The following THSD7B variants were observed in gnomAD, a reference collection of about 807,000 sequenced individuals.
THSD7B encodes thrombospondin type 1 domain containing 7B, also known as thrombospondin type-1 domain-containing protein 7B.
A neutral mutation model predicts 213.6 loss-of-function variants in THSD7B; 138 were observed. The ratio of observed to expected loss-of-function variants is 0.65; its 90% CI spans 0.56 to 0.74. The LOEUF is 0.74. Ranked by LOEUF, THSD7B falls within the 30% of genes least tolerant of loss-of-function variation. The pLI, the probability that THSD7B is intolerant of heterozygous loss-of-function variation, is 0.00. For synonymous variants in THSD7B, 742 were observed against 687.0 expected (o/e 1.08, Z -1.25); for missense variants, 1,931 against 1,991.5 (o/e 0.97, Z 0.58).
At chr2:137,095,238 A>G in intron 4 of THSD7B, 117 bp downstream of exon 4, 1 of 1,390,974 alleles carries the variant, frequency 7.2e-7, no homozygotes, top group Non-Finnish European at 9.7e-7. Flanking sequence ...CTCAGTATAC[A>G]AGTTCCATAC....
chr2:136,970,221 T>G (rs1285228098), intron 2 of THSD7B, among the ~76,000 whole-genome samples: 1 of 152,036 alleles, frequency 6.6e-6, no homozygotes, highest in African/African-American at 2.4e-5. Context: ...CACAGCACTT[T>G]GAGAGGCTGA....
At chr2:136,945,298 G>C (rs983878341) in intron 2 of THSD7B, among the ~76,000 whole-genome samples, 1 of 152,024 alleles carries the variant, frequency 6.6e-6, no homozygotes, top group Non-Finnish European at 1.5e-5. Flanking sequence ...TGTGTCACTT[G>C]GTTCTTGCGC....
chr2:137,075,622 G>C (rs922066015), intron 3 of THSD7B, among the ~76,000 whole-genome samples: 3 of 152,280 alleles, frequency 2.0e-5, no homozygotes, highest in South Asian at 2.1e-4. Context: ...TGTTCTGTTG[G>C]TGGTGAGGAG....
chr2:136,960,053 A>G (rs1285103743), intron 2 of THSD7B, among the ~76,000 whole-genome samples: 1 of 152,202 alleles, frequency 6.6e-6, no homozygotes, highest in Admixed American at 6.5e-5. Context: ...CAAATGAACC[A>G]TTTGTGTATT....
Position 137,425,416 on chromosome 2 carries a change from C to T in THSD7B, c.2959+13544C>T, listed in dbSNP as rs892285572. Among the ~76,000 whole-genome samples the T allele has an allele frequency of 3.3e-5, 5 of 152,020 alleles. No homozygotes were observed. The East Asian group carries it at 7.7e-4, about 24-fold the overall frequency. ...AATTTTAGTAGAGGTGGGGTTTCAC[C>T]ATGTTGGCCAGGCTGGTCTCAAACT... On this transcript the variant is annotated intron_variant, in intron 14 of 27. Transcript: ENST00000409968.
chr2:137,604,204 A>G (rs950951132), intron 17 of THSD7B, among the ~76,000 whole-genome samples: 3 of 152,198 alleles, frequency 2.0e-5, no homozygotes, highest in Non-Finnish European at 4.4e-5. Flanking sequence ...GTAAGGAAAG[A>G]GTTTTCTTCA....
chr2:137,261,487 T>G (rs981566583), intron 10 of THSD7B, among the ~76,000 whole-genome samples: 3 of 152,174 alleles, frequency 2.0e-5, no homozygotes, highest in African/African-American at 7.2e-5. Flanking sequence ...ATTATTGCCC[T>G]TTGATGTACT....
In THSD7B at chr2:137,001,936, G is replaced by T. The variant is rs115664481; in HGVS notation, c.140-54484G>T. Among the ~76,000 whole-genome samples, 760 of 152,114 alleles carry T rather than the reference G, an allele frequency of 5.0e-3. 9 individuals are homozygous for T. Among genetic ancestry groups the T allele is most frequent in the African/African-American group, 0.017 (720 of 41,484 alleles). ...AATACTTTTGCTTACTCTTCAGAAA[G>T]TGTATTCATCATTTTATTCCTGTGT... is the stretch of plus-strand genomic sequence containing the variant. On this transcript the variant is annotated intron_variant, in intron 2 of 27. Coordinates refer to ENST00000409968, the MANE Select transcript of THSD7B (RefSeq NM_001316349.2).
intron 1 of THSD7B, among the ~76,000 whole-genome samples, chr2:136,825,292 G>A (rs556369049): frequency 6.6e-6 from 1 of 152,220 alleles, no homozygotes; most frequent in East Asian, 1.9e-4. Context: ...TTATCTTATA[G>A]GTCTGGAGAT....
At chr2:137,360,185 A>C (rs1020514312) in intron 12 of THSD7B, among the ~76,000 whole-genome samples, 4 of 152,162 alleles carry the variant, frequency 2.6e-5, no homozygotes, top group African/African-American at 9.7e-5. Flanking sequence ...GCTACAGATA[A>C]CTCAAGTTAT....
chr2:137,307,422 T>C (rs1683778658), intron 12 of THSD7B, among the ~76,000 whole-genome samples: 1 of 152,052 alleles, frequency 6.6e-6, no homozygotes, highest in Non-Finnish European at 1.5e-5. Context: ...TAGGAACATG[T>C]CTCGACAACC....
At chr2:137,192,770 GA>G (rs1047329005) in intron 7 of THSD7B, among the ~76,000 whole-genome samples, 1 of 151,924 alleles carries the variant, frequency 6.6e-6, no homozygotes, top group African/African-American at 2.4e-5. Flanking sequence ...ATATATACAG[GA>G]AAAAAACCAT....
chr2:136,817,778 CAA>C (rs1343068681), intron 1 of THSD7B, among the ~76,000 whole-genome samples: 2 of 148,808 alleles, frequency 1.3e-5, no homozygotes, highest in Non-Finnish European at 3.0e-5. Flanking sequence ...TTTATGCAGC[CAA>C]AAAACACATG....
intron 12 of THSD7B, among the ~76,000 whole-genome samples, chr2:137,395,372 AG>A (rs1241604458): frequency 6.6e-6 from 1 of 150,412 alleles, no homozygotes; most frequent in Admixed American, 6.6e-5. Context: ...TTTAGCATGA[AG>A]GGTTGTTGAA....
At chr2:137,254,969 T>A (rs1473441522) in intron 10 of THSD7B, among the ~76,000 whole-genome samples, 1 of 152,114 alleles carries the variant, frequency 6.6e-6, no homozygotes, top group Non-Finnish European at 1.5e-5. Flanking sequence ...GTTTAGTATT[T>A]AAACATTAGG....
At chr2:136,786,955 T>C (rs1481583188) in intron 1 of THSD7B, among the ~76,000 whole-genome samples, 2 of 152,286 alleles carry the variant, frequency 1.3e-5, no homozygotes, top group East Asian at 3.9e-4. Flanking sequence ...CAGCTTTCTC[T>C]GGGTTAATGG....
At chr2:136,982,639 G>A (rs1685601773) in intron 2 of THSD7B, among the ~76,000 whole-genome samples, 1 of 152,034 alleles carries the variant, frequency 6.6e-6, no homozygotes, top group Admixed American at 6.6e-5. Context: ...AGTATATCAG[G>A]CCCTTTTTCA....
chr2:137,670,899 C>T (rs536527008), intron 27 of THSD7B, among the ~76,000 whole-genome samples: 13 of 130,108 alleles, frequency 1.0e-4, no homozygotes, highest in South Asian at 7.0e-4. Context: ...GCAGCGTGGG[C>T]GACAGAGTGA....
intron 27 of THSD7B, among the ~76,000 whole-genome samples, chr2:137,668,597 TGAG>T (rs143686950): frequency 0.014 from 2,061 of 152,214 alleles, 42 homozygotes; most frequent in African/African-American, 0.046. Flanking sequence ...TTGAACAATG[TGAG>T]GAGGACTGGG....
Sources: gnomAD v4.1 joint callset for allele counts (sites outside exome capture counted in the v4.1 genomes callset) on GRCh38, gnomAD v4.1.1 for gene constraint, MANE v1.5 for transcripts, NCBI Gene and HGNC (gene_info 2026-07-23, HGNC 2026-07-21) for gene names.